KIF26A: variants seen among roughly 807,000 people sequenced by gnomAD.
KIF26A encodes kinesin-like protein KIF26A.
In KIF26A, 74 loss-of-function variants were observed where a neutral mutation model predicts 126.0. The ratio of observed to expected loss-of-function variants is 0.59; its 90% CI spans 0.49 to 0.71. The LOEUF (loss-of-function observed/expected upper bound fraction) is 0.71, where lower values mean the gene tolerates loss of function less well. KIF26A is among the 30% of genes least tolerant of loss of function. The probability of loss-of-function intolerance (pLI) is 0.00; values close to 1 mark genes in which losing one functional copy is unlikely to be tolerated. For synonymous variants in KIF26A, 1,445 were observed against 1,232.7 expected (o/e 1.17, Z -3.61); for missense variants, 2,984 against 2,763.3 (o/e 1.08, Z -1.79).
rs1022286717 is a variant in KIF26A at position 104,179,921 on chromosome 14, G to A, written c.*131G>A. ...TTCTGTGCAGGACGGGAGTCTCAGA[G>A]AGGAGACGGAGTGTGGGGGAGGGAG... On this transcript the variant is annotated 3_prime_UTR_variant, in exon 15 of 15. Coordinates refer to ENST00000423312, the MANE Select transcript of KIF26A (RefSeq NM_015656.2). The A allele has an allele frequency of 4.0e-6, 4 of 995,918 alleles. No homozygotes were observed. The African/African-American group carries it at 6.6e-5, about 16-fold the overall frequency. 61.7% of individuals were successfully genotyped at this position (995,918 alleles called of 1,614,324 possible).
At chr14:104,142,705 C>T (rs930990594) in intron 2 of KIF26A, among the ~76,000 whole-genome samples, 2 of 152,220 alleles carry the variant, frequency 1.3e-5, no homozygotes, top group African/African-American at 4.8e-5. Flanking sequence ...TCCCCATGCT[C>T]ACCCACCACC....
At chr14:104,171,685 G>A in intron 5 of KIF26A, 38 bp from the exon 6 acceptor site, 1 of 1,512,326 alleles carries the variant, frequency 6.6e-7, no homozygotes, top group Non-Finnish European at 8.9e-7. Flanking sequence ...CCGGCTGGGC[G>A]GAGGCAGCTT....
At chr14:104,145,539 C>T (rs896441257) in intron 2 of KIF26A, among the ~76,000 whole-genome samples, 42 of 152,346 alleles carry the variant, frequency 2.8e-4, no homozygotes, top group African/African-American at 8.7e-4. Flanking sequence ...CTGGGATGGT[C>T]GTGCTTGCGT....
At chr14:104,166,558 G>A (rs1368063892) in intron 4 of KIF26A, among the ~76,000 whole-genome samples, 1 of 152,116 alleles carries the variant, frequency 6.6e-6, no homozygotes, top group East Asian at 1.9e-4. Context: ...CCCCTTGGTG[G>A]GGGGATGGCA....
chr14:104,167,397 T>C (rs760209027), intron 5 of KIF26A, among the ~76,000 whole-genome samples: 2 of 151,976 alleles, frequency 1.3e-5, no homozygotes, highest in African/African-American at 2.4e-5. Context: ...GACGCAGCCC[T>C]GAGGGGGCTG....
At position 104,179,885 on chromosome 14, in the gene KIF26A, T is replaced by C; in HGVS notation, c.*95T>C. 2 of 1,201,216 alleles carry C rather than the reference T, an allele frequency of 1.7e-6. No individual in the cohort carries two copies. The highest frequency in any genetic ancestry group is 2.2e-6 in the Non-Finnish European group (2 of 904,274). 74.4% of individuals were successfully genotyped at this position (1,201,216 alleles called of 1,614,324 possible). A position where few individuals can be genotyped will look rare whatever the true frequency, so the allele number is the denominator to read the frequency against. On this transcript the variant is annotated 3_prime_UTR_variant, in exon 15 of 15. Coordinates refer to ENST00000423312, the MANE Select transcript of KIF26A (RefSeq NM_015656.2). Reference sequence around the variant, plus strand: ...TGTGGTGGGGGCTGCGGGGGGAGGATGCGGAGGGGTTTCTGTGCAGGACGG... The same window carrying C: ...TGTGGTGGGGGCTGCGGGGGGAGGACGCGGAGGGGTTTCTGTGCAGGACGG...
At chr14:104,165,577 GTGTGTGTCTGTGTGTCTA>G (rs2037884782) in intron 4 of KIF26A, among the ~76,000 whole-genome samples, 1 of 135,348 alleles carries the variant, frequency 7.4e-6, no homozygotes, top group Admixed American at 7.0e-5. Flanking sequence ...CTGTATGCAT[GTGTGTGTCTGTGTGTCTA>G]TGCATGTGTG....
rs115126988 is a variant in KIF26A, at chr14:104,163,061, C to G, written c.924-3798C>G. On this transcript the variant is annotated intron_variant, in intron 4 of 14. Transcript: ENST00000423312. The stretch of plus-strand genomic sequence containing the variant: ...CCGCAGCTTCTTCCCTTGCAGGCAG[C>G]TGGCGGGAAGCTGAGGTGTAACCCA... Among the ~76,000 whole-genome samples, 1,062 of 152,312 alleles carry G rather than the reference C, an allele frequency of 7.0e-3. 13 individuals are homozygous for G. Among genetic ancestry groups the G allele is most frequent in the African/African-American group, 0.025 (1,025 of 41,574 alleles).
At chr14:104,144,070 G>A (rs1190528832) in intron 2 of KIF26A, among the ~76,000 whole-genome samples, 2 of 152,330 alleles carry the variant, frequency 1.3e-5, no homozygotes, top group East Asian at 3.9e-4. Context: ...TGTGGGACCT[G>A]GGCTTTCTCT....
At chr14:104,173,269 G>C in intron 8 of KIF26A, 30 bp downstream of exon 8, 1 of 1,602,204 alleles carries the variant, frequency 6.2e-7, no homozygotes, top group East Asian at 2.2e-5. Flanking sequence ...CACCTTGGGG[G>C]AGGGGGGCTG....
rs1039241565 is a variant in KIF26A at position 104,157,997 on chromosome 14, T to C, written c.923+55T>C. On this transcript the variant is annotated intron_variant, in intron 4 of 14. Coordinates refer to ENST00000423312, the MANE Select transcript of KIF26A (RefSeq NM_015656.2). ...GTGGGCAGGGCCCCATGGCCCCGGC[T>C]GTGGGCCCCTGGGGACCTATGGGCC... 7.7e-6 allele frequency: 11 copies of C among 1,436,830 alleles called. No individual in the cohort carries two copies. In the South Asian group the frequency reaches 1.2e-4, roughly 16 times the overall value. 89.0% of individuals were successfully genotyped at this position (1,436,830 alleles called of 1,614,324 possible). A position where few individuals can be genotyped will look rare whatever the true frequency, so the allele number is the denominator to read the frequency against.
chr14:104,150,713 A>C (rs939487518), intron 2 of KIF26A, among the ~76,000 whole-genome samples: 16 of 152,160 alleles, frequency 1.1e-4, no homozygotes, highest in African/African-American at 3.9e-4. Flanking sequence ...GCTGCATTGG[A>C]GTCCGGTCTT....
chr14:104,171,087 C>T (rs2037952154), intron 5 of KIF26A, among the ~76,000 whole-genome samples: 1 of 152,248 alleles, frequency 6.6e-6, no homozygotes, highest in African/African-American at 2.4e-5. Context: ...TTTGTATCTT[C>T]CCCTGGATGG....
intron 4 of KIF26A, among the ~76,000 whole-genome samples, chr14:104,160,590 G>A (rs74090203): frequency 0.018 from 2,725 of 152,316 alleles, 92 homozygotes; most frequent in African/African-American, 0.063. Flanking sequence ...GCAAGTGTTC[G>A]GGAGGGTGGG....
In KIF26A at chr14:104,149,515, A is replaced by C. The variant is rs376616191; in HGVS notation, c.289-2500A>C. 5.7e-4 allele frequency among the ~76,000 whole-genome samples: 87 copies of C among 151,864 alleles called. 1 individual carries two copies. Among genetic ancestry groups the C allele is most frequent in the African/African-American group, 2.0e-3 (81 of 41,482 alleles). On this transcript the variant is annotated intron_variant, in intron 2 of 14. Coordinates refer to ENST00000423312, the MANE Select transcript of KIF26A (RefSeq NM_015656.2). ...CCCCCCTCCAGCACTGGCCCCCAAC[A>C]CCTGGGACTTGGATGCCCGGAGCTC...
In KIF26A at chr14:104,178,786, C is replaced by G. The variant is rs745606397; in HGVS notation, c.5316+31C>G. Reference sequence around the variant, plus strand: ...GCCTTTGGTGGGCTGGGGTCTATGACCCCTGGTGGGGAGCCTGCCGCGGAT... The same window carrying G: ...GCCTTTGGTGGGCTGGGGTCTATGAGCCCTGGTGGGGAGCCTGCCGCGGAT... On this transcript the variant is annotated intron_variant, in intron 13 of 14. Transcript: ENST00000423312. The G allele has an allele frequency of 2.3e-6, 3 of 1,286,660 alleles. No individual in the cohort carries two copies. The South Asian group carries it at 4.2e-5, about 18-fold the overall frequency. 79.7% of individuals were successfully genotyped at this position (1,286,660 alleles called of 1,614,324 possible).
In KIF26A at chr14:104,176,838, G is replaced by A. The variant is rs575275674; in HGVS notation, c.4050G>A (p.Ala1350=). ...PTSKKGLAPK[A]GFLPRPSGAA... ...GCAAGAAGGGTCTGGCTCCCAAGGCGGGCTTCCTCCCGAGGCCCAGTGGGG... is the reference window on the plus strand; with the variant it reads ...GCAAGAAGGGTCTGGCTCCCAAGGCAGGCTTCCTCCCGAGGCCCAGTGGGG... The change falls in exon 12 of 15, where the codon GCG becomes GCA. Residue 1350 remains alanine (A), a synonymous_variant. Transcript: ENST00000423312. The A allele has an allele frequency of 3.0e-5, 47 of 1,547,890 alleles. No homozygotes were observed. In the African/African-American group the frequency reaches 3.1e-4, roughly 10 times the overall value.
chr14:104,167,985 G>A (rs1026204720), intron 5 of KIF26A, among the ~76,000 whole-genome samples: 2 of 152,146 alleles, frequency 1.3e-5, no homozygotes, highest in Non-Finnish European at 2.9e-5. Context: ...CTGTGCCCAC[G>A]TTGGAGACCC....
Position 104,179,856 on chromosome 14 carries a change from A to G in KIF26A, c.*66A>G. ...GGAGGACGGGACGTGGGACGGAGCGAGGATGTGGTGGGGGCTGCGGGGGGA... is the reference window on the plus strand; with the variant it reads ...GGAGGACGGGACGTGGGACGGAGCGGGGATGTGGTGGGGGCTGCGGGGGGA... On this transcript the variant is annotated 3_prime_UTR_variant, in exon 15 of 15. Transcript: ENST00000423312. 2.2e-6 allele frequency: 3 copies of G among 1,350,984 alleles called. No homozygotes were observed. The highest frequency in any genetic ancestry group is 1.9e-6 in the Non-Finnish European group (2 of 1,027,630). The allele number at this position is 1,350,984 out of a possible 1,614,324, so 83.7% of individuals were successfully genotyped here. A position where few individuals can be genotyped will look rare whatever the true frequency, so the allele number is the denominator to read the frequency against.
Sources: gnomAD v4.1 joint callset for allele counts (sites outside exome capture counted in the v4.1 genomes callset) on GRCh38, gnomAD v4.1.1 for gene constraint, MANE v1.5 for transcripts, NCBI Gene and HGNC (gene_info 2026-07-23, HGNC 2026-07-21) for gene names.